Variants in AZI2 observed in about 807,000 individuals in gnomAD.
AZI2 encodes 5-azacytidine induced 2, also known as 5-azacytidine-induced protein 2.
In AZI2, 22 loss-of-function variants were observed where a neutral mutation model predicts 45.8. The observed-to-expected ratio is 0.48, with a 90% CI of 0.34 to 0.69. The LOEUF is 0.69. Among genes scored for constraint, AZI2 ranks in the 30% least tolerant of loss-of-function variants. The pLI is 0.01. For synonymous variants in AZI2, 137 were observed against 156.7 expected (o/e 0.87, Z 0.94); for missense variants, 417 against 441.5 (o/e 0.94, Z 0.50).
At chr3:28,334,976 T>C (rs997206894) in intron 5 of AZI2, among the ~76,000 whole-genome samples, 1 of 152,058 alleles carries the variant, frequency 6.6e-6, no homozygotes, top group African/African-American at 2.4e-5. Context: ...CAGCCATTTA[T>C]ATTCAGAACA....
At chr3:28,332,218 C>T (rs1266965191) in intron 6 of AZI2, 151 bp downstream of exon 6, 5 of 655,634 alleles carry the variant, frequency 7.6e-6, no homozygotes, top group Non-Finnish European at 1.3e-5. Context: ...TTTTATTCTA[C>T]AAATTTATTG....
intron 6 of AZI2, among the ~76,000 whole-genome samples, chr3:28,328,111 ATCTGCTTTAG>A (rs1210299575): frequency 6.6e-6 from 1 of 150,958 alleles, no homozygotes; most frequent in Non-Finnish European, 1.5e-5. Context: ...TTTCAGAAAA[ATCTGCTTTAG>A]TCTGTTGTAA....
At chr3:28,331,564 C>A (rs1414153252) in intron 6 of AZI2, 1 of 944,290 alleles carries the variant, frequency 1.1e-6, no homozygotes, top group Non-Finnish European at 1.3e-6. Flanking sequence ...TATCTCATTT[C>A]CTCAAATTGT....
At chr3:28,341,079 TACA>T (rs1703998114) in intron 1 of AZI2, among the ~76,000 whole-genome samples, 1 of 152,030 alleles carries the variant, frequency 6.6e-6, no homozygotes, top group African/African-American at 2.4e-5. Flanking sequence ...TATAATTCAT[TACA>T]ACAACATATT....
chr3:28,334,101 A>T (rs565531112), intron 5 of AZI2, among the ~76,000 whole-genome samples: 30 of 151,868 alleles, frequency 2.0e-4, no homozygotes, highest in Admixed American at 1.8e-3. Flanking sequence ...CCTCACTAAC[A>T]TGAAATATTA....
chr3:28,348,382 T>TG (rs1704354202), intron 1 of AZI2: 1 of 150,750 alleles, frequency 6.6e-6, no homozygotes, highest in East Asian at 2.0e-4. Context: ...CCTGGACAGC[T>TG]GGGGGTGAGG....
intron 6 of AZI2, 37 bp downstream of exon 6, chr3:28,332,332 G>T: frequency 6.4e-7 from 1 of 1,556,982 alleles, no homozygotes; most frequent in South Asian, 1.1e-5. Context: ...TATGGAAGAA[G>T]ACAACGTATT....
Position 28,324,060 on chromosome 3 carries a change from G to C in AZI2, c.1161C>G (p.Asn387Lys), listed in dbSNP as rs1232568726. 1 of 1,608,406 alleles carries C rather than the reference G, an allele frequency of 6.2e-7. No individual in the cohort carries two copies. Among genetic ancestry groups the C allele is most frequent in the Non-Finnish European group, 8.5e-7 (1 of 1,176,254 alleles). Residue 387 changes from asparagine to lysine, a missense_variant, in exon 8 of 8, where the codon AAC becomes AAG. Transcript: ENST00000479665. ...TTCCAAATTAATTCTTATAAAGGCAGTTCTGATTATGTTGATCCAAGTAAT... is the reference window on the plus strand; with the variant it reads ...TTCCAAATTAATTCTTATAAAGGCACTTCTGATTATGTTGATCCAAGTAAT... ...PLHYLDQHNQ[N>K]CLYKN
intron 7 of AZI2, 38 bp downstream of exon 7, chr3:28,326,794 T>C (rs762275178): frequency 4.8e-6 from 7 of 1,457,250 alleles, no homozygotes; most frequent in Non-Finnish European, 1.9e-6. Flanking sequence ...TCAGGCAGTT[T>C]GGCTGGAATC....
intron 2 of AZI2, among the ~76,000 whole-genome samples, 158 bp downstream of exon 2, chr3:28,340,244 A>G (rs1038151969): frequency 6.6e-6 from 1 of 152,144 alleles, no homozygotes; most frequent in African/African-American, 2.4e-5. Flanking sequence ...TGTGAAACAC[A>G]GGATAAGTAT....
In AZI2 at chr3:28,338,022, A is replaced by C. The variant is rs567006813; in HGVS notation, c.354T>G (p.Ser118=). ...SKLDKMNKDN[S]ESLKVLNEQL... ...GCTCATTCAATACTTTCAAAGATTC[A>C]GAGTTGTCTTTATTCTAGTTAAGTA... Residue 118 remains serine (S), a synonymous_variant, in exon 4 of 8, where the codon TCT becomes TCG. Coordinates refer to ENST00000479665, the MANE Select transcript of AZI2 (RefSeq NM_022461.5). The C allele has an allele frequency of 2.5e-5, 39 of 1,583,384 alleles. No homozygotes were observed. In the South Asian group the frequency reaches 4.4e-4, roughly 18 times the overall value.
chr3:28,324,482 A>T, intron 7 of AZI2, 28 bp from the exon 8 acceptor site: 1 of 1,428,298 alleles, frequency 7.0e-7, no homozygotes, highest in Non-Finnish European at 9.2e-7. Context: ...ACTAAATGTC[A>T]GTTTTCATTA....
intron 7 of AZI2, chr3:28,324,702 C>T: frequency 2.9e-6 from 1 of 340,900 alleles, no homozygotes; most frequent in Non-Finnish European, 5.3e-6. Context: ...TCCTTGTCTG[C>T]AGAATGGATA....
chr3:28,336,904 C>T lies in AZI2; in HGVS notation c.440-19G>A, dbSNP rs1358255880. 1.9e-6 allele frequency: 3 copies of T among 1,608,710 alleles called. No homozygotes were observed. Among genetic ancestry groups the T allele is most frequent in the Admixed American group, 3.3e-5 (2 of 59,722 alleles). ...CTCATCACTACAAAAAGGATGGACA[C>T]TGAAATTGTTATCTTTTCCTTCTAC... On this transcript the variant is annotated intron_variant, in intron 4 of 7. Transcript: ENST00000479665.
At chr3:28,331,735 G>A in intron 6 of AZI2, 1 of 1,403,896 alleles carries the variant, frequency 7.1e-7, no homozygotes, top group Non-Finnish European at 9.3e-7. Context: ...ATGTAGAGAG[G>A]CTATCTTAAC....
rs946514381 is a variant in AZI2 at position 28,340,557 on chromosome 3, C to T, written c.61G>A (p.Asp21Asn). The T allele has an allele frequency of 6.2e-7, 1 of 1,613,230 alleles. No homozygotes were observed. Among genetic ancestry groups the T allele is most frequent in the Non-Finnish European group, 8.5e-7 (1 of 1,179,494 alleles). ...ILNHEKAHKRDTVTPVSIYSG... is the reference protein window; with the variant it reads ...ILNHEKAHKRNTVTPVSIYSG... ...TATATTGAAACTGGAGTCACTGTAT[C>T]TCTCTTATGGGCTTTTTCATGATTC... The change falls in exon 2 of 8, where the codon GAT (aspartate) becomes AAT (asparagine). Residue 21 changes from aspartate (D) to asparagine (N), a missense_variant. Transcript: ENST00000479665.
In AZI2 at chr3:28,321,562, C is replaced by G. The variant is rs1436030066; in HGVS notation, c.*2480G>C. ...ATCTGTCTCAGTTGTGTCTTGCTTG[C>G]TTATGGGTGCCTCTGTTGATATTAT... On this transcript the variant is annotated 3_prime_UTR_variant, in exon 8 of 8. Transcript: ENST00000479665. 2 of 151,304 alleles carry G rather than the reference C, an allele frequency of 1.3e-5. No individual in the cohort carries two copies. Among genetic ancestry groups the G allele is most frequent in the Non-Finnish European group, 3.0e-5 (2 of 67,528 alleles). The allele number at this position is 151,304 out of a possible 1,614,324, so 9.4% of individuals were successfully genotyped here. A position where few individuals can be genotyped will look rare whatever the true frequency, so the allele number is the denominator to read the frequency against.
Position 28,340,606 on chromosome 3 carries a change from C to A in AZI2, c.12G>T (p.Leu4=), listed in dbSNP as rs1463175995. 14 of 1,607,762 alleles carry A rather than the reference C, an allele frequency of 8.7e-6. No homozygotes were observed. The highest frequency in any genetic ancestry group is 1.2e-5 in the Non-Finnish European group (14 of 1,177,374). ...TCAGAATACAGATATCATCTTCTACCAGTGCATCCATGACAACTGTTTAAA... is the reference window on the plus strand; with the variant it reads ...TCAGAATACAGATATCATCTTCTACAAGTGCATCCATGACAACTGTTTAAA... The part of the protein sequence containing the change: MDA[L]VEDDICILNH... The change falls in exon 2 of 8, where the codon CTG becomes CTT. Residue 4 remains leucine (L), a synonymous_variant. Coordinates refer to ENST00000479665, the MANE Select transcript of AZI2 (RefSeq NM_022461.5).
At chr3:28,328,929 G>A (rs1226333370) in intron 6 of AZI2, among the ~76,000 whole-genome samples, 1 of 151,070 alleles carries the variant, frequency 6.6e-6, no homozygotes, top group East Asian at 1.9e-4. Context: ...TTTTTAGCAG[G>A]CTTCCAATTA....
Sources: allele counts gnomAD v4.1 joint callset (sites outside exome capture counted in the v4.1 genomes callset), GRCh38; gene constraint gnomAD v4.1.1; transcripts MANE v1.5; gene names NCBI Gene and HGNC (gene_info 2026-07-23, HGNC 2026-07-21).